VPS13B: variants seen among roughly 807,000 people sequenced by gnomAD.
VPS13B encodes the protein vacuolar protein sorting 13 homolog B.
In VPS13B, 285 loss-of-function variants were observed where a neutral mutation model predicts 426.4. The observed-to-expected ratio is 0.67, with a 90% CI of 0.61 to 0.74. VPS13B has a LOEUF of 0.74. Among genes scored for constraint, VPS13B ranks in the 30% least tolerant of loss-of-function variants. The pLI, the probability that VPS13B is intolerant of heterozygous loss-of-function variation, is 0.00. For missense variants in VPS13B, 4,537 were observed against 4,782.6 expected, an observed-to-expected ratio of 0.95 and a Z score of 1.51; for synonymous variants, 1,676 against 1,676.4, an observed-to-expected ratio of 1.00 and a Z score of 0.01.
At chr8:99,173,511 A>G (rs1203969791) in intron 16 of VPS13B, among the ~76,000 whole-genome samples, 1 of 152,206 alleles carries the variant, frequency 6.6e-6, no homozygotes, top group African/African-American at 2.4e-5. Flanking sequence ...TCGAGGCCTC[A>G]AGAAGCTATA....
chr8:99,561,613 T>A (rs1000649735), intron 31 of VPS13B, among the ~76,000 whole-genome samples: 1 of 152,208 alleles, frequency 6.6e-6, no homozygotes, highest in African/African-American at 2.4e-5. Context: ...AAGCTAGGCT[T>A]TCTGTTAGAT....
intron 4 of VPS13B, among the ~76,000 whole-genome samples, chr8:99,098,357 C>T (rs902407374): frequency 4.6e-5 from 7 of 152,144 alleles, no homozygotes; most frequent in Admixed American, 4.6e-4. Context: ...CACACACACT[C>T]ACACATATGC....
At chr8:99,212,889 A>G (rs1022485407) in intron 17 of VPS13B, among the ~76,000 whole-genome samples, 1 of 152,130 alleles carries the variant, frequency 6.6e-6, no homozygotes, top group East Asian at 1.9e-4. Context: ...TCAACCCCAT[A>G]AAGTTTCTAG....
intron 39 of VPS13B, among the ~76,000 whole-genome samples, chr8:99,738,377 G>C (rs1165800918): frequency 1.3e-5 from 2 of 152,004 alleles, no homozygotes; most frequent in African/African-American, 4.8e-5. Flanking sequence ...CTAAATCATG[G>C]TATATCTGTA....
intron 25 of VPS13B, among the ~76,000 whole-genome samples, chr8:99,488,494 T>C (rs962429182): frequency 6.6e-6 from 1 of 152,176 alleles, no homozygotes; most frequent in Non-Finnish European, 1.5e-5. Flanking sequence ...GTCTTAACAA[T>C]TGGCTTCCTC....
intron 56 of VPS13B, among the ~76,000 whole-genome samples, chr8:99,855,688 G>A (rs1816511502): frequency 6.6e-6 from 1 of 152,172 alleles, no homozygotes; most frequent in Non-Finnish European, 1.5e-5. Context: ...AACGACCTGT[G>A]TTATTGCCAT....
chr8:99,154,542 T>G (rs1342448721), intron 14 of VPS13B, among the ~76,000 whole-genome samples: 4 of 152,294 alleles, frequency 2.6e-5, no homozygotes, highest in African/African-American at 9.6e-5. Flanking sequence ...TTCCTTTAGA[T>G]TGTTGGCTAA....
intron 17 of VPS13B, among the ~76,000 whole-genome samples, chr8:99,246,756 C>T (rs925413724): frequency 1.3e-5 from 2 of 151,720 alleles, no homozygotes; most frequent in African/African-American, 4.8e-5. Flanking sequence ...ATCCTAGCTA[C>T]TCAGGAAGCT....
At chr8:99,540,359 C>T (rs1031338794) in intron 30 of VPS13B, among the ~76,000 whole-genome samples, 7 of 151,592 alleles carry the variant, frequency 4.6e-5, no homozygotes, top group Admixed American at 2.0e-4. Flanking sequence ...AGATTACAGG[C>T]GTGAGCTACT....
chr8:99,290,080 T>C (rs1401394567), intron 19 of VPS13B, among the ~76,000 whole-genome samples: 1 of 152,036 alleles, frequency 6.6e-6, no homozygotes, highest in East Asian at 1.9e-4. Flanking sequence ...CCTGTATTCA[T>C]TCAACACATA....
intron 21 of VPS13B, among the ~76,000 whole-genome samples, chr8:99,407,345 G>A (rs1177916995): frequency 6.6e-6 from 1 of 152,158 alleles, no homozygotes; most frequent in African/African-American, 2.4e-5. Context: ...GATCATGAAT[G>A]ATAATAGCTT....
chr8:99,424,535 G>T (rs1303321643), intron 21 of VPS13B: 1 of 152,182 alleles, frequency 6.6e-6, no homozygotes, highest in Non-Finnish European at 1.5e-5. Context: ...CAACATACCA[G>T]AATCTCTGGG....
chr8:99,196,622 A>G (rs897561050), intron 17 of VPS13B, among the ~76,000 whole-genome samples: 4 of 151,990 alleles, frequency 2.6e-5, no homozygotes, highest in Non-Finnish European at 5.9e-5. Context: ...GTATTTTAGT[A>G]GAGACGGGGT....
intron 21 of VPS13B, among the ~76,000 whole-genome samples, chr8:99,428,901 C>T (rs974400086): frequency 6.6e-6 from 1 of 152,166 alleles, no homozygotes; most frequent in African/African-American, 2.4e-5. Context: ...CAATGATAGA[C>T]TGGATTAAGA....
intron 34 of VPS13B, among the ~76,000 whole-genome samples, chr8:99,644,480 G>A (rs1829496608): frequency 6.6e-6 from 1 of 152,022 alleles, no homozygotes; most frequent in African/African-American, 2.4e-5. Context: ...TGTTTAAAGC[G>A]GGGAAAAAAC....
intron 29 of VPS13B, among the ~76,000 whole-genome samples, chr8:99,513,468 G>A (rs1010730409): frequency 6.6e-6 from 1 of 152,066 alleles, no homozygotes; most frequent in Non-Finnish European, 1.5e-5. Flanking sequence ...ATAGTGAGAG[G>A]CTATAGAGAC....
At chr8:99,542,866 A>G (rs1366898742) in intron 30 of VPS13B, among the ~76,000 whole-genome samples, 2 of 152,110 alleles carry the variant, frequency 1.3e-5, no homozygotes, top group African/African-American at 4.8e-5. Context: ...ATTAATGCAT[A>G]TAAAACATTT....
chr8:99,783,239 T>C lies in VPS13B; in HGVS notation c.7780-1076T>C, dbSNP rs571245131. ...GCTTCTGAGTTGTATCTCTGTTTAC[T>C]CCCCCACTTCTCAGTAAAGTGGCAA... On this transcript the variant is annotated intron_variant, in intron 42 of 61. Transcript: ENST00000357162. 1.6e-3 allele frequency among the ~76,000 whole-genome samples: 241 copies of C among 152,308 alleles called. 1 individual carries two copies. The highest frequency in any genetic ancestry group is 5.7e-3 in the African/African-American group (237 of 41,572).
At chr8:99,051,346 G>A (rs2132264770) in intron 3 of VPS13B, among the ~76,000 whole-genome samples, 1 of 152,230 alleles carries the variant, frequency 6.6e-6, no homozygotes, top group East Asian at 1.9e-4. Flanking sequence ...TTGTAGATAT[G>A]CGGCATTATT....
Sources: gnomAD v4.1 joint callset for allele counts (sites outside exome capture counted in the v4.1 genomes callset) on GRCh38, gnomAD v4.1.1 for gene constraint, MANE v1.5 for transcripts, NCBI Gene and HGNC (gene_info 2026-07-23, HGNC 2026-07-21) for gene names.